The following UGP2 variants were observed in gnomAD, a reference collection of about 807,000 sequenced individuals.
UGP2 encodes the protein UDP-glucose pyrophosphorylase 2, also known as UTP--glucose-1-phosphate uridylyltransferase.
A neutral mutation model predicts 49.0 loss-of-function variants in UGP2; 40 were observed. The ratio of observed to expected loss-of-function variants is 0.82; its 90% CI spans 0.63 to 1.06. The LOEUF (loss-of-function observed/expected upper bound fraction) is 1.06. Ranked by LOEUF, UGP2 falls within the 50% of genes least tolerant of loss-of-function variation. The pLI, the probability that UGP2 is intolerant of heterozygous loss-of-function variation, is 0.00. For missense variants in UGP2, 460 were observed against 603.5 expected (o/e 0.76, Z 2.49); for synonymous variants, 225 against 213.0 (o/e 1.06, Z -0.49).
intron 3 of UGP2, among the ~76,000 whole-genome samples, chr2:63,875,630 T>G (rs1670858822): frequency 6.6e-6 from 1 of 152,238 alleles, no homozygotes; most frequent in Non-Finnish European, 1.5e-5. Flanking sequence ...AGCGTGTTCT[T>G]CAGTAGATTG....
rs538344414 is a variant in UGP2 at position 63,861,898 on chromosome 2, A to G, written c.255+3962A>G. On this transcript the variant is annotated intron_variant, in intron 3 of 9. Coordinates refer to ENST00000337130, the MANE Select transcript of UGP2 (RefSeq NM_006759.4). ...AATTGCTGAGACTTTTTCTTAGTCT[A>G]TCAATACAAAAAACATTAAAAGCTA... 6.5e-4 allele frequency among the ~76,000 whole-genome samples: 99 copies of G among 152,228 alleles called. 1 individual carries two copies. Among genetic ancestry groups the G allele is most frequent in the African/African-American group, 2.3e-3 (95 of 41,500 alleles).
At chr2:63,855,525 T>TG (rs1669344516) in intron 1 of UGP2, 5 of 208,962 alleles carry the variant, frequency 2.4e-5, no homozygotes, top group South Asian at 2.0e-4. Context: ...TTTCTGTTTT[T>TG]TTTTTTTTTT....
intron 3 of UGP2, chr2:63,862,892 C>G (rs1401520815): frequency 8.8e-6 from 4 of 455,950 alleles, no homozygotes; most frequent in Admixed American, 2.4e-5. Context: ...GAGTCCTTTA[C>G]TAAGGACTTT....
At chr2:63,880,529 A>G (rs1671233970) in intron 3 of UGP2, among the ~76,000 whole-genome samples, 1 of 152,162 alleles carries the variant, frequency 6.6e-6, no homozygotes, top group Admixed American at 6.5e-5. Flanking sequence ...CTGTTATATC[A>G]GGGTGACAAA....
In UGP2 at chr2:63,842,208, A is replaced by G. The variant is rs1019860575; in HGVS notation, c.19+4A>G. 1.9e-6 allele frequency: 3 copies of G among 1,607,536 alleles called. No individual in the cohort carries two copies. Among genetic ancestry groups the G allele is most frequent in the Admixed American group, 3.4e-5 (2 of 58,026 alleles). On this transcript the variant is annotated splice_donor_region_variant and intron_variant, in intron 1 of 9. Transcript: ENST00000337130. ...AAAATGTCGAGATTTGTACAAGGTA[A>G]GAAATGCTGCTGCTTATATCCCGAG...
At position 63,856,361 on chromosome 2, in the gene UGP2, G is replaced by A. The variant is rs766533094; in HGVS notation, c.75G>A (p.Arg25=). 6.2e-7 allele frequency: 1 copy of A among 1,613,908 alleles called. No individual in the cohort carries two copies. The highest frequency in any genetic ancestry group is 8.5e-7 in the Non-Finnish European group (1 of 1,179,998). Residue 25 remains arginine, a synonymous_variant, in exon 2 of 10, where the codon CGG becomes CGA. Transcript: ENST00000337130. ...CTTCTCAGTTCCAAGAAGTCATTCG[G>A]CAAGAGCTAGAATTATCTGTGAAGA... ...DGASQFQEVI[R]QELELSVKKE...
chr2:63,884,157 T>A, intron 5 of UGP2, 64 bp downstream of exon 5: 3 of 1,581,352 alleles, frequency 1.9e-6, no homozygotes, highest in Non-Finnish European at 2.6e-6. Context: ...TTTATCTTGT[T>A]TATAACAGAG....
At position 63,882,443 on chromosome 2, in the gene UGP2, C is replaced by T. The variant is rs202231565; in HGVS notation, c.256-23C>T. On this transcript the variant is annotated intron_variant, in intron 3 of 9. Transcript: ENST00000337130. The stretch of plus-strand genomic sequence containing the variant: ...TCCCTTAAAGCTGTTTAAATTACTC[C>T]TATAATGTTATTTTTCTTTCAGATT... 6.5e-4 allele frequency: 1,012 copies of T among 1,545,936 alleles called. 3 individuals are homozygous for T. Among genetic ancestry groups the T allele is most frequent in the Middle Eastern group, 1.0e-3 (6 of 5,824 alleles).
rs1672152834 is a variant in UGP2 at position 63,891,410 on chromosome 2, T to G, written c.*183T>G. 2 of 413,210 alleles carry G rather than the reference T, an allele frequency of 4.8e-6. No individual in the cohort carries two copies. Among genetic ancestry groups the G allele is most frequent in the Admixed American group, 4.4e-5 (1 of 22,808 alleles). The allele number at this position is 413,210 out of a possible 1,614,324, so 25.6% of individuals were successfully genotyped here. ...AAGCACAGATGGAGCAATACTTTCC[T>G]TCTTTGAAGAGAATCCCAAAAGTTA... On this transcript the variant is annotated 3_prime_UTR_variant, in exon 10 of 10. Coordinates refer to ENST00000337130, the MANE Select transcript of UGP2 (RefSeq NM_006759.4).
chr2:63,842,353 C>T (rs1337062927), intron 1 of UGP2, 149 bp downstream of exon 1: 2 of 1,603,066 alleles, frequency 1.2e-6, no homozygotes, highest in Admixed American at 3.3e-5. Flanking sequence ...TCTGAGCTGC[C>T]TTGAGCTGCT....
At position 63,882,924 on chromosome 2, in the gene UGP2, T is replaced by G. The variant is rs527802688; in HGVS notation, c.441+273T>G. 3.3e-5 allele frequency among the ~76,000 whole-genome samples: 5 copies of G among 152,296 alleles called. No homozygotes were observed. The South Asian group carries it at 1.0e-3, about 32-fold the overall frequency. ...TGATCTCCCACTGCTCTACCCACTT[T>G]CTTTCTGGTGGCAGCCTTCATCAAG... On this transcript the variant is annotated intron_variant, in intron 4 of 9. Coordinates refer to ENST00000337130, the MANE Select transcript of UGP2 (RefSeq NM_006759.4).
chr2:63,847,664 G>A (rs1437510728), intron 1 of UGP2, among the ~76,000 whole-genome samples: 1 of 152,144 alleles, frequency 6.6e-6, no homozygotes, highest in Admixed American at 6.5e-5. Flanking sequence ...AGGAGTGGGG[G>A]TCACAAGGTG....
At position 63,882,620 on chromosome 2, in the gene UGP2, C is replaced by T; in HGVS notation, c.410C>T (p.Thr137Ile). 1.9e-6 allele frequency: 3 copies of T among 1,598,462 alleles called. No homozygotes were observed. The highest frequency in any genetic ancestry group is 2.6e-6 in the Non-Finnish European group (3 of 1,168,794). ...KSLIGVRNEN[T>I]FLDLTVQQIE... ...CTGATTGGTGTGAGGAATGAGAATA[C>T]CTTTCTGGATCTGACTGTTCAGCAA... Residue 137 changes from threonine to isoleucine, a missense_variant, in exon 4 of 10, where the codon ACC becomes ATC. Physicochemically the swap from Thr to Ile is moderately conservative, Grantham distance 89 (BLOSUM62 -1). Transcript: ENST00000337130.
chr2:63,841,738 G>C (rs1029777379), upstream of UGP2: 2 of 156,964 alleles, frequency 1.3e-5, no homozygotes, highest in Admixed American at 1.3e-4. Flanking sequence ...TTGGGGCCTG[G>C]ACGGCGGCGC....
At chr2:63,870,030 C>T (rs756840849) in intron 3 of UGP2, among the ~76,000 whole-genome samples, 10 of 150,580 alleles carry the variant, frequency 6.6e-5, no homozygotes, top group Admixed American at 1.3e-4. Flanking sequence ...TTACACCATT[C>T]TCCTGCCTCA....
chr2:63,873,384 T>C (rs1319523629), intron 3 of UGP2, among the ~76,000 whole-genome samples: 2 of 152,222 alleles, frequency 1.3e-5, no homozygotes, highest in African/African-American at 2.4e-5. Context: ...CACATTAATT[T>C]TCACTGGGAA....
chr2:63,889,507 T>C (rs115683647), intron 8 of UGP2: 2 of 152,554 alleles, frequency 1.3e-5, no homozygotes, highest in African/African-American at 2.4e-5. Context: ...GGGGGCAAAG[T>C]AGTGGTGGTG....
rs1671250177 is a variant in UGP2 at position 63,880,790 on chromosome 2, G to T, written c.256-1676G>T. Among the ~76,000 whole-genome samples, 6 of 151,902 alleles carry T rather than the reference G, an allele frequency of 3.9e-5. No homozygotes were observed. The South Asian group carries it at 1.2e-3, about 32-fold the overall frequency. ...ACATGCTGCAGGGGAAGCGATCAGT[G>T]TGGTCTGCAGCCATCGGTGTGGTCT... On this transcript the variant is annotated intron_variant, in intron 3 of 9. Coordinates refer to ENST00000337130, the MANE Select transcript of UGP2 (RefSeq NM_006759.4).
At chr2:63,882,420 C>T (rs756842955) in intron 3 of UGP2, 46 bp from the exon 4 acceptor site, 10 of 1,451,314 alleles carry the variant, frequency 6.9e-6, no homozygotes, top group South Asian at 1.6e-5. Flanking sequence ...CTTTAACGTC[C>T]CTTAAAGCTG....
Sources: gnomAD v4.1 joint callset for allele counts (sites outside exome capture counted in the v4.1 genomes callset) on GRCh38, gnomAD v4.1.1 for gene constraint, MANE v1.5 for transcripts, NCBI Gene and HGNC (gene_info 2026-07-23, HGNC 2026-07-21) for gene names.